The following TC2N variants were observed in gnomAD, a reference collection of about 807,000 sequenced individuals.
TC2N encodes tandem C2 domains nuclear protein.
TC2N carries 51 observed loss-of-function variants against 61.9 expected under a neutral mutation model. The observed-to-expected ratio is 0.82, with a 90% CI of 0.66 to 1.04. The LOEUF (loss-of-function observed/expected upper bound fraction) is 1.04, where lower values mean the gene tolerates loss of function less well. Ranked by LOEUF, TC2N falls within the 50% of genes least tolerant of loss-of-function variation. The pLI is 0.00. For synonymous variants in TC2N, 204 were observed against 192.6 expected, an observed-to-expected ratio of 1.06 and a Z score of -0.49; for missense variants, 556 against 566.7, an observed-to-expected ratio of 0.98 and a Z score of 0.19.
At chr14:91,843,882 AT>A (rs11338765) in intron 1 of TC2N, among the ~76,000 whole-genome samples, 13,715 of 151,530 alleles carry the variant, frequency 0.091, 1,300 homozygotes, top group African/African-American at 0.24. Context: ...TTATAATCCT[AT>A]TTTTTTTCAG....
At chr14:91,818,082 C>T (rs1054815939) in intron 1 of TC2N, among the ~76,000 whole-genome samples, 1 of 152,092 alleles carries the variant, frequency 6.6e-6, no homozygotes, top group South Asian at 2.1e-4. Flanking sequence ...AGGGAGTTTC[C>T]AGGCCATGGG....
intron 1 of TC2N, among the ~76,000 whole-genome samples, chr14:91,852,144 G>A (rs1888387364): frequency 6.6e-6 from 1 of 152,188 alleles, no homozygotes; most frequent in Admixed American, 6.5e-5. Context: ...GAATAAAAAT[G>A]CGGCCAAGCG....
intron 1 of TC2N, among the ~76,000 whole-genome samples, chr14:91,832,504 A>C (rs376612761): frequency 1.3e-5 from 2 of 152,342 alleles, no homozygotes; most frequent in African/African-American, 4.8e-5. Flanking sequence ...TCAGTAATTA[A>C]GGAAATTTAA....
chr14:91,859,255 T>C (rs1036121843), intron 1 of TC2N, among the ~76,000 whole-genome samples: 6 of 152,260 alleles, frequency 3.9e-5, no homozygotes, highest in Admixed American at 2.0e-4. Context: ...GTAATTAATA[T>C]CTATGCATTT....
chr14:91,832,319 G>A (rs1887812792), intron 1 of TC2N, among the ~76,000 whole-genome samples: 1 of 150,834 alleles, frequency 6.6e-6, no homozygotes, highest in Admixed American at 6.6e-5. Flanking sequence ...GAACCCGGGA[G>A]GCAGAAGTTG....
chr14:91,853,630 T>A (rs1480247213), intron 1 of TC2N, among the ~76,000 whole-genome samples: 1 of 34,922 alleles, frequency 2.9e-5, no homozygotes, highest in Non-Finnish European at 5.5e-5. Flanking sequence ...TCTGCTTGGA[T>A]TTTTTTTTTT....
chr14:91,854,537 G>C (rs1262066779), intron 1 of TC2N, among the ~76,000 whole-genome samples: 1 of 142,904 alleles, frequency 7.0e-6, no homozygotes, highest in African/African-American at 2.6e-5. Context: ...GGAGGAGGAG[G>C]GGGTAAAACA....
chr14:91,792,768 C>T (rs556048818), intron 8 of TC2N, among the ~76,000 whole-genome samples: 1 of 152,186 alleles, frequency 6.6e-6, no homozygotes, highest in African/African-American at 2.4e-5. Flanking sequence ...ACAAATCATC[C>T]TTTAAATTAT....
chr14:91,821,762 T>C (rs1422355405), intron 1 of TC2N, among the ~76,000 whole-genome samples: 2 of 152,022 alleles, frequency 1.3e-5, no homozygotes, highest in African/African-American at 4.8e-5. Context: ...CAATAAAATA[T>C]GGATTATATC....
intron 1 of TC2N, among the ~76,000 whole-genome samples, chr14:91,832,641 G>A (rs954839571): frequency 7.9e-5 from 12 of 152,048 alleles, no homozygotes; most frequent in African/African-American, 2.4e-4. Context: ...CTTACATCCC[G>A]CTTGTGAGGC....
chr14:91,839,626 T>A (rs1303835913), intron 1 of TC2N, among the ~76,000 whole-genome samples: 2 of 152,180 alleles, frequency 1.3e-5, no homozygotes, highest in African/African-American at 4.8e-5. Context: ...GAGTATAAAT[T>A]CCTAGAGTGC....
chr14:91,821,855 C>A (rs1887268962), intron 1 of TC2N, among the ~76,000 whole-genome samples: 1 of 151,892 alleles, frequency 6.6e-6, no homozygotes, highest in African/African-American at 2.4e-5. Flanking sequence ...TTTGAAAAGA[C>A]ACTTCTCCAA....
intron 1 of TC2N, among the ~76,000 whole-genome samples, chr14:91,845,072 A>G (rs1327458209): frequency 6.6e-6 from 1 of 151,842 alleles, no homozygotes; most frequent in African/African-American, 2.4e-5. Context: ...CCCCGTCTCC[A>G]CAAAAATTAG....
chr14:91,785,340 A>C lies in TC2N; in HGVS notation c.1184T>G (p.Met395Arg). The change falls in exon 11 of 12, where the codon ATG becomes AGG. Residue 395 changes from methionine to arginine, a missense_variant. Physicochemically the swap from Met to Arg is moderately conservative, Grantham distance 91. Transcript: ENST00000435962. ...ATAAATCAACTCTCCCGAGCTAAAC[A>C]TTCCCACCTTCACGAAAAAACCTAA... ...LTLSFFVKVG[M>R]FSSGELIYKK... is the part of the protein sequence containing the mutation. The C allele has an allele frequency of 1.2e-6, 2 of 1,612,142 alleles. No individual in the cohort carries two copies.
At chr14:91,841,495 C>T (rs768461078) in intron 1 of TC2N, among the ~76,000 whole-genome samples, 1 of 152,338 alleles carries the variant, frequency 6.6e-6, no homozygotes, top group African/African-American at 2.4e-5. Context: ...CATGACTACA[C>T]GTGGTGGCAG....
chr14:91,839,582 A>G (rs541007898), intron 1 of TC2N, among the ~76,000 whole-genome samples: 1 of 152,220 alleles, frequency 6.6e-6, no homozygotes, highest in Non-Finnish European at 1.5e-5. Flanking sequence ...AAGGCACTCA[A>G]CAGTTTGTTG....
At chr14:91,862,634 A>T (rs1037797476) in intron 1 of TC2N, among the ~76,000 whole-genome samples, 1 of 152,160 alleles carries the variant, frequency 6.6e-6, no homozygotes, top group African/African-American at 2.4e-5. Context: ...TTGGCTCAGC[A>T]TTTGCTGGAA....
In TC2N at chr14:91,838,167, C is replaced by T. The variant is rs1888097949; in HGVS notation, c.-56-24342G>A. On this transcript the variant is annotated intron_variant, in intron 1 of 11. Coordinates refer to ENST00000435962, the MANE Select transcript of TC2N (RefSeq NM_001128596.3). ...GTTCCTTTTTTTTTTTTTTTTTGGG[C>T]AGGCTCTCACTGTTGCCCAGACTGG... Among the ~76,000 whole-genome samples the T allele has an allele frequency of 3.8e-5, 5 of 130,568 alleles. No individual in the cohort carries two copies. In the South Asian group the frequency reaches 1.2e-3, roughly 31 times the overall value. 85.7% of individuals were successfully genotyped at this position (130,568 alleles called of 152,430 possible).
intron 1 of TC2N, among the ~76,000 whole-genome samples, chr14:91,822,957 C>A (rs61990092): frequency 6.6e-6 from 1 of 151,288 alleles, no homozygotes; most frequent in Non-Finnish European, 1.5e-5. Context: ...CCTCGTGATC[C>A]GCCTGCTTCA....
Sources: gnomAD v4.1 joint callset for allele counts (sites outside exome capture counted in the v4.1 genomes callset) on GRCh38, gnomAD v4.1.1 for gene constraint, MANE v1.5 for transcripts, NCBI Gene and HGNC (gene_info 2026-07-23, HGNC 2026-07-21) for gene names.